Variants in SSC5D observed in about 807,000 individuals in gnomAD.
SSC5D encodes the protein scavenger receptor cysteine rich family member with 5 domains.
Under a neutral mutation model 104.6 loss-of-function variants are expected in SSC5D, and 106 were observed. The ratio of observed to expected loss-of-function variants is 1.01; its 90% CI spans 0.87 to 1.19. The LOEUF is 1.19. SSC5D is among the 50% of genes most tolerant of loss of function. The probability of loss-of-function intolerance (pLI) is 0.00; values close to 1 mark genes in which losing one functional copy is unlikely to be tolerated. For synonymous variants in SSC5D, 860 were observed against 883.5 expected (o/e 0.97, Z 0.47); for missense variants, 1,993 against 2,153.8 (o/e 0.93, Z 1.48).
rs544782435 is a variant in SSC5D, at chr19:55,517,426, C to G, written c.3150C>G (p.Pro1050=). ...CTGACGCTCCGGACACTTCACCACC[C>G]ACCCCAGACCCGGCCTCCCGGACGA... ...ATSDAPDTSP[P]TPDPASRTNP... The change falls in exon 14 of 14, where the codon CCC becomes CCG. Residue 1050 remains proline (P), a synonymous_variant. Transcript: ENST00000389623. 44 of 1,551,028 alleles carry G rather than the reference C, an allele frequency of 2.8e-5. No individual in the cohort carries two copies. The African/African-American group carries it at 5.5e-4, about 19-fold the overall frequency.
chr19:55,512,209 A>C (rs1162288823), intron 12 of SSC5D, among the ~76,000 whole-genome samples: 2 of 151,608 alleles, frequency 1.3e-5, no homozygotes, highest in African/African-American at 4.8e-5. Context: ...CAAAAAAAAA[A>C]AAAAAGAAAA....
In SSC5D at chr19:55,493,896, C is replaced by G; in HGVS notation, c.1197C>G (p.Ala399=). The change falls in exon 7 of 14, where the codon GCC becomes GCG. Residue 399 remains alanine, a synonymous_variant. Coordinates refer to ENST00000389623, the MANE Select transcript of SSC5D (RefSeq NM_001144950.2). The part of the protein sequence containing the change: ...GQHDCHHRED[A]GAVCDGMPLG... ...ATGACTGTCACCACCGCGAGGACGCCGGGGCCGTGTGTGACGGTGAGGGGG... is the reference window on the plus strand; with the variant it reads ...ATGACTGTCACCACCGCGAGGACGCGGGGGCCGTGTGTGACGGTGAGGGGG... The G allele has an allele frequency of 6.8e-7, 1 of 1,462,998 alleles. No homozygotes were observed. Among genetic ancestry groups the G allele is most frequent in the South Asian group, 1.2e-5 (1 of 83,084 alleles). The allele number at this position is 1,462,998 out of a possible 1,614,324, so 90.6% of individuals were successfully genotyped here.
At position 55,493,928 on chromosome 19, in the gene SSC5D, TGGA is replaced by T; in HGVS notation, c.1213+20_1213+22del. ...GTGTGTGACGGTGAGGGGGTTGTGG[TGGA>T]GGACCGGGAGGTGGGCGTGGTGGTG... On this transcript the variant is annotated intron_variant, in intron 7 of 13. Coordinates refer to ENST00000389623, the MANE Select transcript of SSC5D (RefSeq NM_001144950.2). 1 of 1,233,454 alleles carries T rather than the reference TGGA, an allele frequency of 8.1e-7. No individual in the cohort carries two copies. The highest frequency in any genetic ancestry group is 1.0e-6 in the Non-Finnish European group (1 of 965,222). 76.4% of individuals were successfully genotyped at this position (1,233,454 alleles called of 1,614,324 possible).
At chr19:55,493,993 GGT>G (rs2123433875) in intron 7 of SSC5D, 81 bp downstream of exon 7, 1 of 247,914 alleles carries the variant, frequency 4.0e-6, no homozygotes. Context: ...GGGGCGGGGG[GGT>G]CCCTACGCGC....
Position 55,490,418 on chromosome 19 carries a change from C to A in SSC5D, c.586+10C>A. ...GGAGCCCCCCGCCAAGGTAAGCTCCCTGCAGGCTCCCCCGACCCCAAGGCT... is the reference window on the plus strand; with the variant it reads ...GGAGCCCCCCGCCAAGGTAAGCTCCATGCAGGCTCCCCCGACCCCAAGGCT... On this transcript the variant is annotated intron_variant, in intron 5 of 13. Coordinates refer to ENST00000389623, the MANE Select transcript of SSC5D (RefSeq NM_001144950.2). 2 of 983,070 alleles carry A rather than the reference C, an allele frequency of 2.0e-6. No homozygotes were observed. The highest frequency in any genetic ancestry group is 2.8e-5 in the Admixed American group (1 of 35,142). The allele number at this position is 983,070 out of a possible 1,614,324, so 60.9% of individuals were successfully genotyped here.
intron 12 of SSC5D, among the ~76,000 whole-genome samples, chr19:55,510,697 ATTTTTTC>A (rs901070667): frequency 1.3e-5 from 2 of 149,566 alleles, no homozygotes; most frequent in African/African-American, 2.5e-5. Context: ...TCCCTGGACT[ATTTTTTC>A]TTTTTTCTTT....
intron 8 of SSC5D, 126 bp downstream of exon 8, chr19:55,494,909 C>A: frequency 3.6e-6 from 4 of 1,124,590 alleles, no homozygotes; most frequent in Non-Finnish European, 4.9e-6. Flanking sequence ...ACAGGGGCCT[C>A]GCCCAGGACA....
Position 55,517,429 on chromosome 19 carries a change from C to T in SSC5D, c.3153C>T (p.Thr1051=), listed in dbSNP as rs947028858. The T allele has an allele frequency of 6.4e-7, 1 of 1,551,008 alleles. No individual in the cohort carries two copies. Among genetic ancestry groups the T allele is most frequent in the Non-Finnish European group, 8.7e-7 (1 of 1,146,996 alleles). The change falls in exon 14 of 14, where the codon ACC becomes ACT. Residue 1051 remains threonine (T), a synonymous_variant. Coordinates refer to ENST00000389623, the MANE Select transcript of SSC5D (RefSeq NM_001144950.2). ...ACGCTCCGGACACTTCACCACCCAC[C>T]CCAGACCCGGCCTCCCGGACGAACC... ...TSDAPDTSPP[T]PDPASRTNPD...
In SSC5D at chr19:55,490,878, C is replaced by T. The variant is rs777436474; in HGVS notation, c.693C>T (p.Asp231=). Residue 231 remains aspartate, a synonymous_variant, in exon 6 of 14, where the codon GAC becomes GAT. Coordinates refer to ENST00000389623, the MANE Select transcript of SSC5D (RefSeq NM_001144950.2). ...TVCDDGWDLR[D]AAVACRELGC... is the part of the protein sequence containing the mutation. ...GTGACGATGGCTGGGACCTGCGCGA[C>T]GCTGCTGTAGCCTGCCGGGAACTGG... 65 of 1,546,498 alleles carry T rather than the reference C, an allele frequency of 4.2e-5. No individual in the cohort carries two copies. The highest frequency in any genetic ancestry group is 1.7e-4 in the Middle Eastern group (1 of 5,966).
At position 55,493,978 on chromosome 19, in the gene SSC5D, C is replaced by T. The variant is rs1987235541; in HGVS notation, c.1213+66C>T. 6 of 48,950 alleles carry T rather than the reference C, an allele frequency of 1.2e-4. No homozygotes were observed. In the South Asian group the frequency reaches 1.3e-3, roughly 10 times the overall value. 3.0% of individuals were successfully genotyped at this position (48,950 alleles called of 1,614,324 possible). A position where few individuals can be genotyped will look rare whatever the true frequency, so the allele number is the denominator to read the frequency against. On this transcript the variant is annotated intron_variant, in intron 7 of 13. Transcript: ENST00000389623. The stretch of plus-strand genomic sequence containing the variant: ...GGTGCTTGGAGCGGAGGGGCAAGTT[C>T]GGCGGGGGCGGGGGGGTCCCTACGC...
chr19:55,495,901 ATTTTTT>A (rs36109915), intron 8 of SSC5D, among the ~76,000 whole-genome samples: 5 of 98,710 alleles, frequency 5.1e-5, no homozygotes, highest in Admixed American at 2.3e-4. Flanking sequence ...GAGCCTGGCT[ATTTTTT>A]TTTTTTTTTT....
intron 6 of SSC5D, 177 bp downstream of exon 6, chr19:55,491,257 TCTC>T: frequency 1.4e-6 from 1 of 714,274 alleles, no homozygotes; most frequent in Non-Finnish European, 2.2e-6. Flanking sequence ...CTCCTGCCGT[TCTC>T]CTTGCCAGGA....
At chr19:55,507,691 A>G (rs1987670145) in intron 12 of SSC5D, among the ~76,000 whole-genome samples, 2 of 151,656 alleles carry the variant, frequency 1.3e-5, no homozygotes, top group African/African-American at 2.4e-5. Context: ...AAAAAAAAGA[A>G]AAAAAGAGAC....
intron 4 of SSC5D, 53 bp downstream of exon 4, chr19:55,490,048 C>T: frequency 7.6e-7 from 1 of 1,318,972 alleles, no homozygotes; most frequent in Non-Finnish European, 1.0e-6. Flanking sequence ...CCTCCTGCCC[C>T]CCCCGAGGGG....
At chr19:55,505,096 A>C (rs1235417610) in intron 12 of SSC5D, among the ~76,000 whole-genome samples, 1 of 151,648 alleles carries the variant, frequency 6.6e-6, no homozygotes, top group Non-Finnish European at 1.5e-5. Context: ...TCGTGGTTCC[A>C]ACCCGGATTA....
chr19:55,493,606 C>T lies in SSC5D; in HGVS notation c.907C>T (p.Arg303Trp), dbSNP rs1421213867. Reference sequence around the variant, plus strand: ...CTCCCACTATCCAGGCCCAGCACCTCGGCTGCGCCTGGCCGATGGCCCCCA... The same window carrying T: ...CTCCCACTATCCAGGCCCAGCACCTTGGCTGCGCCTGGCCGATGGCCCCCA... ...AGLVCTGPAPRLRLADGPHGC... is the reference protein window; with the variant it reads ...AGLVCTGPAPWLRLADGPHGC... The change falls in exon 7 of 14, where the codon CGG (arginine) becomes TGG (tryptophan). Residue 303 changes from arginine to tryptophan, a missense_variant. Physicochemically the swap from Arg to Trp is moderately radical, Grantham distance 101 (BLOSUM62 -3). Coordinates refer to ENST00000389623, the MANE Select transcript of SSC5D (RefSeq NM_001144950.2). 4 of 1,458,754 alleles carry T rather than the reference C, an allele frequency of 2.7e-6. No individual in the cohort carries two copies. Among genetic ancestry groups the T allele is most frequent in the Non-Finnish European group, 3.6e-6 (4 of 1,118,288 alleles). The allele number at this position is 1,458,754 out of a possible 1,614,324, so 90.4% of individuals were successfully genotyped here.
At position 55,503,093 on chromosome 19, in the gene SSC5D, G is replaced by T. The variant is rs1339886434; in HGVS notation, c.2785+1892G>T. On this transcript the variant is annotated intron_variant, in intron 12 of 13. Coordinates refer to ENST00000389623, the MANE Select transcript of SSC5D (RefSeq NM_001144950.2). This position sits in a 1 kb window ranked among gnomAD's most constrained non-coding sequence, Gnocchi z 4.0. ...CTCCCAAAGTGCTGGGATTACAGGG[G>T]TGAGCCACTGCTCCCGGCCTGATTT... 1.3e-5 allele frequency among the ~76,000 whole-genome samples: 2 copies of T among 151,964 alleles called. No individual in the cohort carries two copies. Among genetic ancestry groups the T allele is most frequent in the African/African-American group, 2.4e-5 (1 of 41,366 alleles).
At position 55,503,318 on chromosome 19, in the gene SSC5D, C is replaced by T. The variant is rs569570708; in HGVS notation, c.2785+2117C>T. Among the ~76,000 whole-genome samples the T allele has an allele frequency of 2.4e-4, 36 of 152,288 alleles. No individual in the cohort carries two copies. The highest frequency in any genetic ancestry group is 3.2e-4 in the Non-Finnish European group (22 of 68,030). Reference sequence around the variant, plus strand: ...CACCTGCTTCTCACTCGATTTTTCACGGTCGGTTTTGCTATATCACCTCAT... The same window carrying T: ...CACCTGCTTCTCACTCGATTTTTCATGGTCGGTTTTGCTATATCACCTCAT... On this transcript the variant is annotated intron_variant, in intron 12 of 13. Transcript: ENST00000389623. The surrounding 1 kb of genome is among the most constrained non-coding windows in gnomAD (Gnocchi z 4.0).
intron 12 of SSC5D, among the ~76,000 whole-genome samples, chr19:55,510,082 C>T (rs1987724231): frequency 1.3e-5 from 2 of 152,074 alleles, no homozygotes; most frequent in South Asian, 4.2e-4. Flanking sequence ...ACTGCAACCT[C>T]CGCCTCCAAG....
Sources: allele counts gnomAD v4.1 joint callset (sites outside exome capture counted in the v4.1 genomes callset), GRCh38; gene constraint gnomAD v4.1.1; non-coding constraint Gnocchi (gnomAD v3.1); transcripts MANE v1.5; gene names NCBI Gene and HGNC (gene_info 2026-07-23, HGNC 2026-07-21).